The following PUM2 variants were observed in gnomAD, a reference collection of about 807,000 sequenced individuals.
The protein encoded by PUM2 is pumilio homolog 2.
In PUM2, 57 loss-of-function variants were observed where a neutral mutation model predicts 124.5. That is an observed-to-expected ratio of 0.46 (90% CI 0.37 to 0.57). The LOEUF (loss-of-function observed/expected upper bound fraction) is 0.57, where lower values mean the gene tolerates loss of function less well. PUM2 is among the 20% of genes least tolerant of loss of function. The pLI is 0.00. For missense variants in PUM2, 1,065 were observed against 1,290.6 expected (o/e 0.83, Z 2.68); for synonymous variants, 460 against 446.1 (o/e 1.03, Z -0.39).
Position 20,290,787 on chromosome 2 carries a change from G to A in PUM2, c.1156C>T (p.Leu386Phe). 6.3e-7 allele frequency: 1 copy of A among 1,582,266 alleles called. No individual in the cohort carries two copies. The highest frequency in any genetic ancestry group is 8.6e-7 in the Non-Finnish European group (1 of 1,168,840). ...SQAQPGQQQV[L>F]RAGAGQRPLT... ...GGACGCTGACCTGCTCCAGCACGGAGAACCTACAAAGGTAAAATGATTTTC... is the reference window on the plus strand; with the variant it reads ...GGACGCTGACCTGCTCCAGCACGGAAAACCTACAAAGGTAAAATGATTTTC... Residue 386 changes from leucine to phenylalanine, a missense_variant, in exon 10 of 21, where the codon CTC (leucine) becomes TTC (phenylalanine). This residue lies in a region of PUM2 where 968 missense variants were observed against 1,159.8 expected (regional missense o/e 0.83). Transcript: ENST00000361078.
intron 7 of PUM2, among the ~76,000 whole-genome samples, chr2:20,300,757 C>T (rs1572804569): frequency 6.8e-6 from 1 of 146,314 alleles, no homozygotes; most frequent in Non-Finnish European, 1.5e-5. Flanking sequence ...CATTCTATTC[C>T]TAAATAAGAT....
rs1199967375 is a variant in PUM2 at position 20,327,390 on chromosome 2, C to G, written c.-18-12G>C. The stretch of plus-strand genomic sequence containing the variant: ...TCCACAGATCAAACCTGTTGAATAA[C>G]AAAAACAAAAATTAGTACAAAGAAA... On this transcript the variant is annotated splice_polypyrimidine_tract_variant and intron_variant, in intron 1 of 20. Transcript: ENST00000361078. 2.7e-6 allele frequency: 4 copies of G among 1,500,232 alleles called. No individual in the cohort carries two copies. In the Admixed American group the frequency reaches 5.7e-5, roughly 21 times the overall value. The allele number at this position is 1,500,232 out of a possible 1,614,324, so 92.9% of individuals were successfully genotyped here. A position where few individuals can be genotyped will look rare whatever the true frequency, so the allele number is the denominator to read the frequency against.
chr2:20,303,880 C>T (rs1273820047), intron 7 of PUM2, among the ~76,000 whole-genome samples: 1 of 152,224 alleles, frequency 6.6e-6, no homozygotes, highest in African/African-American at 2.4e-5. Context: ...TCTCTGATGG[C>T]TCACACCCTT....
intron 8 of PUM2, 85 bp from the exon 9 acceptor site, chr2:20,294,603 A>T (rs1013614482): frequency 1.6e-5 from 23 of 1,400,578 alleles, no homozygotes; most frequent in Admixed American, 5.1e-5. Flanking sequence ...AGATTATAAA[A>T]GGGGGCAGGA....
intron 1 of PUM2, chr2:20,332,871 G>C (rs2148943212): frequency 6.6e-6 from 1 of 152,206 alleles, no homozygotes; most frequent in East Asian, 1.9e-4. Context: ...ACCATGTACT[G>C]CTTGGGGTAT....
intron 13 of PUM2, among the ~76,000 whole-genome samples, chr2:20,266,489 C>CA (rs75589275): frequency 0.011 from 1,388 of 128,668 alleles, 13 homozygotes; most frequent in African/African-American, 0.03. Context: ...ACCCCCCCAC[C>CA]AAAAAAAAAA....
intron 1 of PUM2, among the ~76,000 whole-genome samples, chr2:20,328,811 A>C (rs1265202585): frequency 6.6e-6 from 1 of 152,236 alleles, no homozygotes; most frequent in Non-Finnish European, 1.5e-5. Flanking sequence ...AGCTTCAGTG[A>C]CCTATAAAAT....
intron 9 of PUM2, among the ~76,000 whole-genome samples, chr2:20,293,861 T>A (rs886167328): frequency 2.6e-5 from 4 of 152,104 alleles, no homozygotes; most frequent in African/African-American, 4.8e-5. Context: ...TTTTTAGATT[T>A]ATCAAGTTAG....
chr2:20,328,006 A>G (rs1316092469), intron 1 of PUM2, among the ~76,000 whole-genome samples: 1 of 152,182 alleles, frequency 6.6e-6, no homozygotes, highest in Non-Finnish European at 1.5e-5. Context: ...GACCACCACA[A>G]AAGTCACAGA....
At position 20,269,481 on chromosome 2, in the gene PUM2, G is replaced by A. The variant is rs976852157; in HGVS notation, c.1958-6021C>T. ...CTCCCAAAGTGCTGGGATCACATGC[G>A]TGAGAATGCTTATAATAACTATACA... On this transcript the variant is annotated intron_variant, in intron 13 of 20. Transcript: ENST00000361078. Among the ~76,000 whole-genome samples, 9 of 152,010 alleles carry A rather than the reference G, an allele frequency of 5.9e-5. No individual in the cohort carries two copies. The East Asian group carries it at 1.2e-3, about 20-fold the overall frequency.
At chr2:20,347,949 G>A (rs1045555646) in intron 1 of PUM2, among the ~76,000 whole-genome samples, 6 of 152,118 alleles carry the variant, frequency 3.9e-5, no homozygotes, top group Admixed American at 6.6e-5. Context: ...TTTCATCAGC[G>A]TTCCCTCTTA....
Position 20,251,634 on chromosome 2 carries a change from T to G in PUM2, c.3146A>C (p.Asn1049Thr), listed in dbSNP as rs1224397457. The G allele has an allele frequency of 6.2e-7, 1 of 1,613,972 alleles. No homozygotes were observed. The highest frequency in any genetic ancestry group is 1.7e-5 in the Admixed American group (1 of 60,022). Reference sequence around the variant, plus strand: ...TCCAATAGGTCCTAGGTCCGGGCTATTCTTCAAATAATACTTTTCCAACTT... The same window carrying G: ...TCCAATAGGTCCTAGGTCCGGGCTAGTCTTCAAATAATACTTTTCCAACTT... ...LAKLEKYYLKNSPDLGPIGGP... is the reference protein window; with the variant it reads ...LAKLEKYYLKTSPDLGPIGGP... The change falls in exon 21 of 21, where the codon AAT (asparagine) becomes ACT (threonine). Residue 1049 changes from asparagine to threonine, a missense_variant. By Grantham distance (65) the Asn-to-Thr change is moderately conservative. Around this residue, in one of 3 missense-constraint regions of PUM2, gnomAD observed 968 missense variants for 1,159.8 expected, o/e 0.83. Transcript: ENST00000361078.
Position 20,292,864 on chromosome 2 carries a change from T to C in PUM2, c.1152+1512A>G, listed in dbSNP as rs369721563. 3.4e-4 allele frequency among the ~76,000 whole-genome samples: 52 copies of C among 151,654 alleles called. No homozygotes were observed. In the South Asian group the frequency reaches 0.01, roughly 29 times the overall value. ...GAGAATTGCTGCCGGGAGGCAGAGG[T>C]TGTGGTGAGCTGAGATCACTCCATT... On this transcript the variant is annotated intron_variant, in intron 9 of 20. Transcript: ENST00000361078.
chr2:20,288,476 T>C (rs930448189), intron 10 of PUM2, among the ~76,000 whole-genome samples: 3 of 152,142 alleles, frequency 2.0e-5, no homozygotes, highest in African/African-American at 2.4e-5. Flanking sequence ...TTTTGACAAA[T>C]AGTCCATGAG....
At chr2:20,299,833 G>A (rs1473889906) in intron 7 of PUM2, among the ~76,000 whole-genome samples, 1 of 152,076 alleles carries the variant, frequency 6.6e-6, no homozygotes, top group Non-Finnish European at 1.5e-5. Flanking sequence ...CGTCAAACTC[G>A]GTAAATTATT....
chr2:20,322,860 G>T (rs1682710490), intron 2 of PUM2, among the ~76,000 whole-genome samples: 1 of 152,048 alleles, frequency 6.6e-6, no homozygotes, highest in Non-Finnish European at 1.5e-5. Flanking sequence ...ATGAAACATA[G>T]AGAACAAAAC....
chr2:20,280,744 A>T (rs1671314892), intron 12 of PUM2, among the ~76,000 whole-genome samples: 1 of 152,220 alleles, frequency 6.6e-6, no homozygotes, highest in South Asian at 2.1e-4. Flanking sequence ...ACTATGAGAT[A>T]TGAAACAAAG....
chr2:20,300,135 C>T (rs892561284), intron 7 of PUM2, among the ~76,000 whole-genome samples: 7 of 150,422 alleles, frequency 4.7e-5, no homozygotes, highest in Non-Finnish European at 1.0e-4. Context: ...ACAGCCTGAA[C>T]CAGTCCTTCA....
intron 7 of PUM2, among the ~76,000 whole-genome samples, chr2:20,303,436 T>C (rs1171511048): frequency 1.8e-5 from 1 of 57,116 alleles, no homozygotes; most frequent in African/African-American, 5.9e-5. Context: ...AGCTTTCAAG[T>C]TTTTTTTTTT....
Sources: allele counts gnomAD v4.1 joint callset (sites outside exome capture counted in the v4.1 genomes callset), GRCh38; gene constraint gnomAD v4.1.1; regional missense constraint gnomAD v4.1.1; transcripts MANE v1.5; gene names NCBI Gene and HGNC (gene_info 2026-07-23, HGNC 2026-07-21).